The following GPHN variants were observed in gnomAD, a reference collection of about 807,000 sequenced individuals.
The protein encoded by GPHN is gephyrin.
A neutral mutation model predicts 95.5 loss-of-function variants in GPHN; 17 were observed. The observed-to-expected ratio is 0.18, with a 90% confidence interval of 0.12 to 0.27. The LOEUF (loss-of-function observed/expected upper bound fraction) is 0.27. Ranked by LOEUF, GPHN falls within the 10% of genes least tolerant of loss-of-function variation. The pLI is 1.00. For missense variants in GPHN, 660 were observed against 978.1 expected (o/e 0.67, Z 4.34); for synonymous variants, 320 against 322.5 (o/e 0.99, Z 0.08).
chr14:66,734,326 C>T (rs1299122175), intron 2 of GPHN, among the ~76,000 whole-genome samples: 1 of 152,156 alleles, frequency 6.6e-6, no homozygotes, highest in East Asian at 1.9e-4. Flanking sequence ...TCCTCACTCT[C>T]TTCCTACAAG....
At chr14:67,722,631 G>C in the GPHN span, 1 of 1,613,214 alleles carries the variant, frequency 6.2e-7, no homozygotes, top group Non-Finnish European at 8.5e-7. Flanking sequence ...AGCAGCTACA[G>C]AAGTTGGAAC....
At chr14:67,224,936 T>G in the GPHN span, 4 of 520,402 alleles carry the variant, frequency 7.7e-6, no homozygotes, top group South Asian at 1.0e-4. Flanking sequence ...TAAGCTCCAT[T>G]GCAAAGAATA....
At chr14:67,423,989 G>A in the GPHN span, among the ~76,000 whole-genome samples, 1 of 152,230 alleles carries the variant, frequency 6.6e-6, no homozygotes, top group Non-Finnish European at 1.5e-5. Context: ...TGTAATCCCA[G>A]CACTTTGGGA....
chr14:67,105,376 A>G (rs1438530644), intron 13 of GPHN, among the ~76,000 whole-genome samples: 1 of 152,126 alleles, frequency 6.6e-6, no homozygotes, highest in Non-Finnish European at 1.5e-5. Flanking sequence ...GTTTAAATCC[A>G]GCGTTCCTAT....
At chr14:67,711,830 G>T in the GPHN span, among the ~76,000 whole-genome samples, 1 of 152,202 alleles carries the variant, frequency 6.6e-6, no homozygotes, top group Non-Finnish European at 1.5e-5. Context: ...GTTCTAGAGG[G>T]AGATTGAAGA....
intron 10 of GPHN, among the ~76,000 whole-genome samples, chr14:67,026,543 T>A (rs979376963): frequency 1.3e-5 from 2 of 152,220 alleles, no homozygotes; most frequent in Non-Finnish European, 2.9e-5. Context: ...AAATTAAAGA[T>A]TCCAGAGTTA....
intron 8 of GPHN, among the ~76,000 whole-genome samples, chr14:66,927,750 G>A (rs376739303): frequency 6.6e-6 from 1 of 151,910 alleles, no homozygotes; most frequent in Non-Finnish European, 1.5e-5. Flanking sequence ...TTATCATGAA[G>A]CAATTGAATT....
the GPHN span, among the ~76,000 whole-genome samples, chr14:67,257,897 G>C: frequency 2.0e-5 from 3 of 152,084 alleles, no homozygotes; most frequent in Non-Finnish European, 4.4e-5. Flanking sequence ...CAACACAAAA[G>C]TTGTATATTA....
the GPHN span, among the ~76,000 whole-genome samples, chr14:67,708,608 C>G: frequency 6.6e-6 from 1 of 152,088 alleles, no homozygotes; most frequent in East Asian, 1.9e-4. Context: ...ATAATGTACA[C>G]TAAGTCATAC....
At chr14:67,409,663 C>T in the GPHN span, among the ~76,000 whole-genome samples, 4 of 152,116 alleles carry the variant, frequency 2.6e-5, no homozygotes, top group South Asian at 2.1e-4. Flanking sequence ...GCTTCTTTCT[C>T]GTCTGGGTGG....
chr14:67,197,811 C>A, the GPHN span, among the ~76,000 whole-genome samples: 51 of 152,126 alleles, frequency 3.4e-4, no homozygotes, highest in African/African-American at 1.2e-3. Context: ...TTTCCTGCTA[C>A]CCTAATAGGT....
intron 9 of GPHN, among the ~76,000 whole-genome samples, chr14:67,014,324 T>C (rs1012559463): frequency 4.6e-5 from 7 of 152,166 alleles, no homozygotes; most frequent in African/African-American, 1.7e-4. Flanking sequence ...TCTTCACTTA[T>C]ACGTGAAGTT....
At chr14:67,158,373 C>T (rs2153716205) in intron 18 of GPHN, among the ~76,000 whole-genome samples, 1 of 151,306 alleles carries the variant, frequency 6.6e-6, no homozygotes, top group Non-Finnish European at 1.5e-5. Flanking sequence ...ATTATATAGT[C>T]ACTTGATCAA....
chr14:66,718,380 C>T (rs1236794378), intron 2 of GPHN, among the ~76,000 whole-genome samples: 1 of 152,096 alleles, frequency 6.6e-6, no homozygotes, highest in Non-Finnish European at 1.5e-5. Context: ...GGTTCGTGGT[C>T]TCGCTGACTT....
chr14:67,662,190 AC>A, the GPHN span, among the ~76,000 whole-genome samples: 2 of 151,728 alleles, frequency 1.3e-5, no homozygotes, highest in South Asian at 2.1e-4. Flanking sequence ...AAAAAAAAAA[AC>A]AACAGATTTT....
chr14:67,349,149 T>C, the GPHN span: 1 of 1,575,864 alleles, frequency 6.3e-7, no homozygotes, highest in South Asian at 1.1e-5. Context: ...TCTTCAGAAA[T>C]AAACCTACAG....
the GPHN span, among the ~76,000 whole-genome samples, chr14:67,642,647 C>T: frequency 1.3e-5 from 2 of 152,082 alleles, no homozygotes; most frequent in Non-Finnish European, 2.9e-5. Flanking sequence ...TGTTAACATG[C>T]TTGTCTCCTG....
intron 4 of GPHN, among the ~76,000 whole-genome samples, chr14:66,843,980 A>G (rs887843223): frequency 6.6e-6 from 1 of 152,034 alleles, no homozygotes; most frequent in Non-Finnish European, 1.5e-5. Context: ...CCAGGGTTTT[A>G]TAAGGATAAG....
chr14:66,632,798 A>G (rs979084910), intron 1 of GPHN, among the ~76,000 whole-genome samples: 10 of 151,976 alleles, frequency 6.6e-5, no homozygotes, highest in African/African-American at 2.4e-4. Flanking sequence ...GCCCCTTATA[A>G]TACATTCTGC....
Sources: gnomAD v4.1 joint callset for allele counts (sites outside exome capture counted in the v4.1 genomes callset) on GRCh38, gnomAD v4.1.1 for gene constraint, MANE v1.5 for transcripts, NCBI Gene and HGNC (gene_info 2026-07-23, HGNC 2026-07-21) for gene names.